LCA5L: variants seen among roughly 807,000 people sequenced by gnomAD.
LCA5L encodes the protein lebercilin LCA5 like.
Under a neutral mutation model 45.4 loss-of-function variants are expected in LCA5L, and 35 were observed. The ratio of observed to expected loss-of-function variants is 0.77; its 90% CI spans 0.59 to 1.02. The LOEUF (loss-of-function observed/expected upper bound fraction) is 1.02. Among genes scored for constraint, LCA5L ranks in the 50% least tolerant of loss-of-function variants. LCA5L has a pLI of 0.00. For missense variants in LCA5L, 668 were observed against 761.6 expected, an observed-to-expected ratio of 0.88 and a Z score of 1.45; for synonymous variants, 233 against 264.7, an observed-to-expected ratio of 0.88 and a Z score of 1.16.
chr21:39,414,738 CTCTCTGTGTGTGTGTGTG>C (rs1024843611), intron 7 of LCA5L, among the ~76,000 whole-genome samples: 6 of 107,328 alleles, frequency 5.6e-5, no homozygotes, highest in African/African-American at 2.0e-4. Flanking sequence ...CTCTCTCTCT[CTCTCTGTGTGTGTGTGTG>C]TGTGTGTGTG....
intron 2 of LCA5L, among the ~76,000 whole-genome samples, chr21:39,441,590 T>G (rs2076867588): frequency 6.6e-6 from 1 of 152,218 alleles, no homozygotes; most frequent in East Asian, 1.9e-4. Flanking sequence ...CTATGTAGGT[T>G]TTGGTAATTT....
At chr21:39,415,577 T>C (rs1391879586) in intron 7 of LCA5L, among the ~76,000 whole-genome samples, 1 of 152,220 alleles carries the variant, frequency 6.6e-6, no homozygotes, top group Non-Finnish European at 1.5e-5. Flanking sequence ...AACTGCAGTA[T>C]CTTCATTCCA....
chr21:39,435,903 G>A (rs1006161484), intron 2 of LCA5L, among the ~76,000 whole-genome samples: 1 of 152,196 alleles, frequency 6.6e-6, no homozygotes, highest in Non-Finnish European at 1.5e-5. Flanking sequence ...CTCCCAAAGT[G>A]CTGGGATTAC....
intron 7 of LCA5L, among the ~76,000 whole-genome samples, chr21:39,416,650 C>T (rs894015925): frequency 2.0e-5 from 3 of 147,256 alleles, no homozygotes; most frequent in African/African-American, 7.7e-5. Flanking sequence ...TTGACTCTAT[C>T]TTACTTCTGT....
chr21:39,410,987 TGGG>T, intron 8 of LCA5L: 1 of 467,902 alleles, frequency 2.1e-6, no homozygotes, highest in South Asian at 1.6e-5. Flanking sequence ...TGGGAGATTT[TGGG>T]GGGAAAGCAG....
chr21:39,440,387 T>C (rs2076712661), intron 2 of LCA5L, among the ~76,000 whole-genome samples: 1 of 151,982 alleles, frequency 6.6e-6, no homozygotes. Context: ...CACAGGGAGA[T>C]GCCATCTCTA....
intron 3 of LCA5L, among the ~76,000 whole-genome samples, chr21:39,434,056 G>C (rs1453766785): frequency 6.7e-6 from 1 of 150,214 alleles, no homozygotes; most frequent in Non-Finnish European, 1.5e-5. Context: ...GATATTCCTA[G>C]CATTCTGGAA....
At position 39,414,748 on chromosome 21, in the gene LCA5L, G is replaced by C. The variant is rs1276608731; in HGVS notation, c.976-2946C>G. On this transcript the variant is annotated intron_variant, in intron 7 of 10. Transcript: ENST00000288350. ...TCTCTCTCTCTCTCTCTCTCTGTGT[G>C]TGTGTGTGTGTGTGTGTGTGTGTGT... Among the ~76,000 whole-genome samples the C allele has an allele frequency of 5.7e-3, 812 of 143,420 alleles. 5 individuals are homozygous for C. Among genetic ancestry groups the C allele is most frequent in the African/African-American group, 0.012 (440 of 36,852 alleles). 94.1% of individuals were successfully genotyped at this position (143,420 alleles called of 152,430 possible). A position where few individuals can be genotyped will look rare whatever the true frequency, so the allele number is the denominator to read the frequency against.
In LCA5L at chr21:39,424,176, C is replaced by A. The variant is rs148573655; in HGVS notation, c.323-686G>T. Among the ~76,000 whole-genome samples, 647 of 152,126 alleles carry A rather than the reference C, an allele frequency of 4.3e-3. 4 individuals are homozygous for A. Among genetic ancestry groups the A allele is most frequent in the African/African-American group, 0.015 (633 of 41,504 alleles). On this transcript the variant is annotated intron_variant, in intron 5 of 10. Transcript: ENST00000288350. The stretch of plus-strand genomic sequence containing the variant: ...TACACGTGTCTGCCACTATGCCCTG[C>A]TAATTTTTGTATTTTTAGTAGAGAC...
intron 2 of LCA5L, among the ~76,000 whole-genome samples, chr21:39,442,986 G>A (rs889577834): frequency 6.6e-6 from 1 of 152,212 alleles, no homozygotes; most frequent in Admixed American, 6.5e-5. Context: ...GAGCCAGAAT[G>A]GCAGCAGGAA....
chr21:39,426,185 G>A (rs2074672630), intron 5 of LCA5L, among the ~76,000 whole-genome samples: 1 of 152,028 alleles, frequency 6.6e-6, no homozygotes, highest in South Asian at 2.1e-4. Context: ...GGGTGGGGAG[G>A]ACAAGCCAGG....
At chr21:39,421,882 G>T (rs138122030) in intron 6 of LCA5L, 3 of 152,214 alleles carry the variant, frequency 2.0e-5, no homozygotes, top group Non-Finnish European at 4.4e-5. Context: ...TTGTATCAAA[G>T]AAAATAGTTA....
rs773888956 is a variant in LCA5L, at chr21:39,411,795, T to C, written c.983A>G (p.Asp328Gly). ...GATGTTTTTAATTTCAAGCTCACGA[T>C]CCTTTTCCTAAAAAGAACCACAAAA... ...KHLQQKLKEKDRELEIKNIYS... is the reference protein window; with the variant it reads ...KHLQQKLKEKGRELEIKNIYS... The change falls in exon 8 of 11, where the codon GAT becomes GGT. Residue 328 changes from aspartate to glycine, a missense_variant. By Grantham distance (94) the Asp-to-Gly change is moderately conservative. Coordinates refer to ENST00000288350, the MANE Select transcript of LCA5L (RefSeq NM_152505.4). The C allele has an allele frequency of 1.9e-6, 3 of 1,581,978 alleles. No individual in the cohort carries two copies. Among genetic ancestry groups the C allele is most frequent in the Non-Finnish European group, 2.6e-6 (3 of 1,160,228 alleles).
intron 6 of LCA5L, chr21:39,422,683 A>G: frequency 2.1e-6 from 1 of 479,580 alleles, no homozygotes. Flanking sequence ...GTCCCTTAGC[A>G]CTGTAGCTGT....
intron 7 of LCA5L, among the ~76,000 whole-genome samples, chr21:39,417,915 G>A (rs377749542): frequency 2.1e-3 from 313 of 152,124 alleles, no homozygotes; most frequent in South Asian, 4.6e-3. Flanking sequence ...ACAGGTGCCC[G>A]CCACCATGCC....
intron 7 of LCA5L, among the ~76,000 whole-genome samples, chr21:39,413,555 G>T (rs1364984301): frequency 6.6e-6 from 1 of 152,130 alleles, no homozygotes; most frequent in African/African-American, 2.4e-5. Flanking sequence ...ATTATCAGAG[G>T]TACACAAAGG....
intron 7 of LCA5L, among the ~76,000 whole-genome samples, chr21:39,416,924 G>A (rs2041282659): frequency 2.0e-5 from 3 of 152,186 alleles, no homozygotes; most frequent in African/African-American, 4.8e-5. Context: ...GCCACCAATA[G>A]GATACAGTCA....
chr21:39,423,210 A>C lies in LCA5L; in HGVS notation c.603T>G (p.Ala201=). The C allele has an allele frequency of 6.2e-7, 1 of 1,612,576 alleles. No homozygotes were observed. The highest frequency in any genetic ancestry group is 1.1e-5 in the South Asian group (1 of 90,472). ...AATTTTTTACTTCATTCTGATGTTT[A>C]GCCATAATTTGAGGTAGATTATTTT... ...NSQNNLPQIM[A]KHQNEVKNLR... The change falls in exon 6 of 11, where the codon GCT becomes GCG. Residue 201 remains alanine (A), a synonymous_variant. Transcript: ENST00000288350.
In LCA5L at chr21:39,423,301, T is replaced by G; in HGVS notation, c.512A>C (p.Glu171Ala). 6.2e-7 allele frequency: 1 copy of G among 1,609,002 alleles called. No individual in the cohort carries two copies. Among genetic ancestry groups the G allele is most frequent in the Non-Finnish European group, 8.5e-7 (1 of 1,178,684 alleles). ...MHHKLEAILT[E>A]NQFLKQLQLR... ...CTGAAGTTGTTTCAAAAATTGGTTT[T>G]CTGTAAGGATGGCTTCCAATTTATG... Residue 171 changes from glutamate to alanine, a missense_variant, in exon 6 of 11, where the codon GAA (glutamate) becomes GCA (alanine). Transcript: ENST00000288350.
Sources: gnomAD v4.1 joint callset for allele counts (sites outside exome capture counted in the v4.1 genomes callset) on GRCh38, gnomAD v4.1.1 for gene constraint, MANE v1.5 for transcripts, NCBI Gene and HGNC (gene_info 2026-07-23, HGNC 2026-07-21) for gene names.